Variants in OPRL1 observed in about 807,000 individuals in gnomAD.
The protein encoded by OPRL1 is nociceptin receptor.
In OPRL1, 5 loss-of-function variants were observed where a neutral mutation model predicts 15.5. That is an observed-to-expected ratio of 0.32 (90% CI 0.17 to 0.68). OPRL1 has a LOEUF of 0.68. Ranked by LOEUF, OPRL1 falls within the 30% of genes least tolerant of loss-of-function variation. OPRL1 has a pLI of 0.72. For missense variants in OPRL1, 406 were observed against 515.3 expected, an observed-to-expected ratio of 0.79 and a Z score of 2.05; for synonymous variants, 223 against 230.2, an observed-to-expected ratio of 0.97 and a Z score of 0.28.
Position 64,092,683 on chromosome 20 carries a change from C to G in OPRL1, c.-33-5C>G. On this transcript the variant is annotated splice_region_variant and splice_polypyrimidine_tract_variant and intron_variant, in intron 2 of 4. Transcript: ENST00000336866. ...GCAGCCACTTGTCTCTGCGCTCTGT[C>G]CCAGGTACCGTACAGAGTGGATTTG... The G allele has an allele frequency of 1.9e-6, 3 of 1,581,650 alleles. No homozygotes were observed. Among genetic ancestry groups the G allele is most frequent in the Non-Finnish European group, 2.6e-6 (3 of 1,155,946 alleles).
chr20:64,083,327 C>T lies in OPRL1; in HGVS notation c.-185+2975C>T. ...ATGGGAGAGGCAGCGTCCATACTCC[C>T]CGCTTCCCTCGGGGTCCTGGGGAGT... On this transcript the variant is annotated intron_variant, in intron 1 of 4. Coordinates refer to ENST00000336866, the MANE Select transcript of OPRL1 (RefSeq NM_182647.4). The surrounding 1 kb of genome is among the most constrained non-coding windows in gnomAD (Gnocchi z 4.9). 6.5e-7 allele frequency: 1 copy of T among 1,529,058 alleles called. No homozygotes were observed. The highest frequency in any genetic ancestry group is 1.8e-5 in the Admixed American group (1 of 54,826). 94.7% of individuals were successfully genotyped at this position (1,529,058 alleles called of 1,614,324 possible).
Position 64,083,976 on chromosome 20 carries a change from C to T in OPRL1, c.-185+3624C>T, listed in dbSNP as rs1405411345. ...ATGCGGTACCCCGGTTCCACCGACC[C>T]GCACGGGAAGGTGGAGGCCGCCGCG... On this transcript the variant is annotated intron_variant, in intron 1 of 4. Transcript: ENST00000336866. The surrounding 1 kb of genome is among the most constrained non-coding windows in gnomAD (Gnocchi z 4.9). The T allele has an allele frequency of 9.5e-6, 14 of 1,469,974 alleles. No individual in the cohort carries two copies. The highest frequency in any genetic ancestry group is 7.8e-5 in the South Asian group (6 of 76,936). 91.1% of individuals were successfully genotyped at this position (1,469,974 alleles called of 1,614,324 possible). A position where few individuals can be genotyped will look rare whatever the true frequency, so the allele number is the denominator to read the frequency against.
rs187988478 is a variant in OPRL1 at position 64,088,527 on chromosome 20, G to T, written c.-184-3439G>T. On this transcript the variant is annotated intron_variant, in intron 1 of 4. Transcript: ENST00000336866. Reference sequence around the variant, plus strand: ...CGCACGGGGATAGCATCTATGTGGGGTGGGGGCACGGTCTGTGCCAGGTTT... The same window carrying T: ...CGCACGGGGATAGCATCTATGTGGGTTGGGGGCACGGTCTGTGCCAGGTTT... Among the ~76,000 whole-genome samples the T allele has an allele frequency of 5.3e-5, 8 of 150,280 alleles. No individual in the cohort carries two copies. The East Asian group carries it at 1.4e-3, about 26-fold the overall frequency.
chr20:64,085,626 A>G (rs908747418), intron 1 of OPRL1, among the ~76,000 whole-genome samples: 1 of 152,260 alleles, frequency 6.6e-6, no homozygotes, highest in Non-Finnish European at 1.5e-5. Flanking sequence ...GGCAAAAATT[A>G]GTGCAAAAAG....
At chr20:64,084,518 T>G (rs1039695494) in intron 1 of OPRL1, among the ~76,000 whole-genome samples, 1 of 152,110 alleles carries the variant, frequency 6.6e-6, no homozygotes, top group African/African-American at 2.4e-5. Context: ...GACTGTTCTG[T>G]TTGAATTGAG....
intron 1 of OPRL1, among the ~76,000 whole-genome samples, chr20:64,082,848 G>A (rs1175247831): frequency 6.6e-6 from 1 of 151,762 alleles, no homozygotes; most frequent in East Asian, 1.9e-4. Flanking sequence ...TGTGGCATGG[G>A]GCATTAAAGG....
At chr20:64,086,684 TA>T (rs2060054608) in intron 1 of OPRL1, 1 of 190,626 alleles carries the variant, frequency 5.2e-6, no homozygotes, top group Non-Finnish European at 1.2e-5. Context: ...ATAGATTTTG[TA>T]AAGTTAAAAT....
chr20:64,088,926 GTGCAAGGGGTAGGA>G lies in OPRL1; in HGVS notation c.-184-3038_-184-3025del, dbSNP rs1569272156. On this transcript the variant is annotated intron_variant, in intron 1 of 4. Coordinates refer to ENST00000336866, the MANE Select transcript of OPRL1 (RefSeq NM_182647.4). ...GGTCTGTGCAGAGTGGCCAGGATCT[GTGCAAGGGGTAGGA>G]TCTGTGCAGAGTGGCCAGGGTCTTT... Among the ~76,000 whole-genome samples the G allele has an allele frequency of 4.8e-4, 50 of 104,062 alleles. 1 individual carries two copies. The highest frequency in any genetic ancestry group is 2.1e-3 in the South Asian group (6 of 2,796). 68.3% of individuals were successfully genotyped at this position (104,062 alleles called of 152,430 possible).
chr20:64,083,952 T>C lies in OPRL1; in HGVS notation c.-185+3600T>C. On this transcript the variant is annotated intron_variant, in intron 1 of 4. Transcript: ENST00000336866. The surrounding 1 kb of genome is among the most constrained non-coding windows in gnomAD (Gnocchi z 4.9). The stretch of plus-strand genomic sequence containing the variant: ...TGCGTCCACGGGCGCGGGTCGGGCA[T>C]GCGGTACCCCGGTTCCACCGACCCG... 6.8e-7 allele frequency: 1 copy of C among 1,464,404 alleles called. No individual in the cohort carries two copies. Among genetic ancestry groups the C allele is most frequent in the Non-Finnish European group, 9.0e-7 (1 of 1,114,440 alleles). The allele number at this position is 1,464,404 out of a possible 1,614,324, so 90.7% of individuals were successfully genotyped here.
intron 1 of OPRL1, among the ~76,000 whole-genome samples, chr20:64,081,221 C>T (rs1405394487): frequency 6.6e-6 from 1 of 152,176 alleles, no homozygotes. Context: ...CCTGTGACTG[C>T]CATGTTGTCA....
At position 64,098,852 on chromosome 20, in the gene OPRL1, C is replaced by G; in HGVS notation, c.*53C>G. 4 of 1,540,076 alleles carry G rather than the reference C, an allele frequency of 2.6e-6. No homozygotes were observed. Among genetic ancestry groups the G allele is most frequent in the Non-Finnish European group, 3.5e-6 (4 of 1,149,132 alleles). On this transcript the variant is annotated 3_prime_UTR_variant, in exon 5 of 5. Coordinates refer to ENST00000336866, the MANE Select transcript of OPRL1 (RefSeq NM_182647.4). Reference sequence around the variant, plus strand: ...GTCAGCCCGCAGAGCCCATCTACGCCCAACACAGAGCTCACACAGGTCACT... The same window carrying G: ...GTCAGCCCGCAGAGCCCATCTACGCGCAACACAGAGCTCACACAGGTCACT...
At position 64,083,416 on chromosome 20, in the gene OPRL1, C is replaced by T. The variant is rs779391586; in HGVS notation, c.-185+3064C>T. 3.7e-5 allele frequency: 60 copies of T among 1,611,766 alleles called. No individual in the cohort carries two copies. Among genetic ancestry groups the T allele is most frequent in the Non-Finnish European group, 4.8e-5 (57 of 1,179,616 alleles). On this transcript the variant is annotated intron_variant, in intron 1 of 4. Transcript: ENST00000336866. The surrounding 1 kb of genome is among the most constrained non-coding windows in gnomAD (Gnocchi z 4.9). ...CTTTATGTGGGAGGCTGGGGCGCGT[C>T]GCACACTCTCAGTCGCCGTCACCGC... is the stretch of plus-strand genomic sequence containing the variant.
intron 1 of OPRL1, among the ~76,000 whole-genome samples, chr20:64,086,252 G>T (rs574324604): frequency 6.6e-6 from 1 of 152,338 alleles, no homozygotes; most frequent in South Asian, 2.1e-4. Context: ...CACGCAGGGA[G>T]TAGGGGAATA....
chr20:64,093,263 A>G (rs1213293909), intron 3 of OPRL1, among the ~76,000 whole-genome samples: 1 of 150,568 alleles, frequency 6.6e-6, no homozygotes, highest in East Asian at 2.0e-4. Flanking sequence ...GAATGACCTC[A>G]TGAGATCCCA....
At chr20:64,092,544 G>GGT in intron 2 of OPRL1, 144 bp from the exon 3 acceptor site, 1 of 615,334 alleles carries the variant, frequency 1.6e-6, no homozygotes, top group Non-Finnish European at 2.9e-6. Context: ...TGTGTGTTCT[G>GGT]GTGTGTGTGC....
In OPRL1 at chr20:64,089,774, T is replaced by A. The variant is rs917115166; in HGVS notation, c.-184-2192T>A. 6.6e-6 allele frequency among the ~76,000 whole-genome samples: 1 copy of A among 152,190 alleles called. No homozygotes were observed. The highest frequency in any genetic ancestry group is 2.4e-5 in the African/African-American group (1 of 41,436). ...GGGGACATCAGGTTGGGCTCCTTTG[T>A]CCTTCCCTTACGAGGTCTCTGCTCT... On this transcript the variant is annotated intron_variant, in intron 1 of 4. Transcript: ENST00000336866. This position sits in a 1 kb window ranked among gnomAD's most constrained non-coding sequence, Gnocchi z 5.5.
At chr20:64,093,064 C>A in intron 3 of OPRL1, 111 bp downstream of exon 3, 1 of 933,270 alleles carries the variant, frequency 1.1e-6, no homozygotes, top group Non-Finnish European at 1.6e-6. Context: ...TTTCCTGCTT[C>A]CCCCATTCAA....
intron 1 of OPRL1, among the ~76,000 whole-genome samples, 179 bp from the exon 2 acceptor site, chr20:64,091,787 C>T (rs577114619): frequency 4.1e-5 from 6 of 145,768 alleles, no homozygotes; most frequent in Non-Finnish European, 7.5e-5. Context: ...TGTCTGGGGT[C>T]TGTGGGTCTG....
chr20:64,098,565 C>T lies in OPRL1; in HGVS notation c.879C>T (p.Ser293=). ...CCCAAGGGCTGGGGGTTCAGCCGAG[C>T]AGCGAGACTGCCGTGGCCATTCTGC... The part of the protein sequence containing the change: ...VLAQGLGVQP[S]SETAVAILRF... The change falls in exon 5 of 5, where the codon AGC becomes AGT. Residue 293 remains serine (S), a synonymous_variant. Coordinates refer to ENST00000336866, the MANE Select transcript of OPRL1 (RefSeq NM_182647.4). The T allele has an allele frequency of 6.2e-7, 1 of 1,612,800 alleles. No homozygotes were observed. The highest frequency in any genetic ancestry group is 8.5e-7 in the Non-Finnish European group (1 of 1,179,974).
Sources: allele counts gnomAD v4.1 joint callset (sites outside exome capture counted in the v4.1 genomes callset), GRCh38; gene constraint gnomAD v4.1.1; non-coding constraint Gnocchi (gnomAD v3.1); transcripts MANE v1.5; gene names NCBI Gene and HGNC (gene_info 2026-07-23, HGNC 2026-07-21).